LRRK2: variants seen among roughly 807,000 people sequenced by gnomAD.
LRRK2 encodes leucine rich repeat kinase 2.
A neutral mutation model predicts 302.6 loss-of-function variants in LRRK2; 203 were observed. The ratio of observed to expected loss-of-function variants is 0.67; its 90% confidence interval spans 0.60 to 0.75. The LOEUF (loss-of-function observed/expected upper bound fraction) is 0.75. Among genes scored for constraint, LRRK2 ranks in the 30% least tolerant of loss-of-function variants. The probability of loss-of-function intolerance (pLI) is 0.00; values close to 1 mark genes in which losing one functional copy is unlikely to be tolerated. For synonymous variants in LRRK2, 1,066 were observed against 1,031.9 expected (o/e 1.03, Z -0.63); for missense variants, 2,830 against 2,951.0 (o/e 0.96, Z 0.95).
intron 10 of LRRK2, among the ~76,000 whole-genome samples, chr12:40,251,792 T>C (rs547818910): frequency 1.2e-4 from 19 of 152,298 alleles, no homozygotes; most frequent in African/African-American, 4.6e-4. Context: ...AATTCATGAA[T>C]CATGGAGAAA....
chr12:40,355,347 C>T (rs1011134107), intron 45 of LRRK2, among the ~76,000 whole-genome samples: 3 of 152,012 alleles, frequency 2.0e-5, no homozygotes, highest in Admixed American at 2.0e-4. Context: ...GAGTTTTAAG[C>T]GCAGGGGTGA....
chr12:40,283,643 C>G (rs1331994227), intron 18 of LRRK2, among the ~76,000 whole-genome samples: 1 of 152,162 alleles, frequency 6.6e-6, no homozygotes, highest in Admixed American at 6.5e-5. Flanking sequence ...AATGTTGTCT[C>G]TTTCATAATA....
chr12:40,242,001 T>C (rs1941744147), intron 6 of LRRK2, among the ~76,000 whole-genome samples: 1 of 152,178 alleles, frequency 6.6e-6, no homozygotes, highest in Non-Finnish European at 1.5e-5. Flanking sequence ...ATTTATTCAT[T>C]TATTTATTTA....
intron 24 of LRRK2, among the ~76,000 whole-genome samples, chr12:40,298,799 A>ATTT: frequency 1.5e-5 from 1 of 64,802 alleles, no homozygotes; most frequent in South Asian, 5.0e-4. Flanking sequence ...ATATATATAT[A>ATTT]ATATATGTAT....
chr12:40,366,649 A>G (rs1946888742), intron 49 of LRRK2: 2 of 242,854 alleles, frequency 8.2e-6, no homozygotes, highest in Non-Finnish European at 1.6e-5. Flanking sequence ...TTTGTACTAA[A>G]TACTCATATT....
intron 35 of LRRK2, 109 bp from the exon 36 acceptor site, chr12:40,321,926 C>T (rs562608240): frequency 1.8e-6 from 2 of 1,105,136 alleles, no homozygotes; most frequent in African/African-American, 3.1e-5. Context: ...CAACCCAATA[C>T]TTTATTTCAA....
intron 14 of LRRK2, among the ~76,000 whole-genome samples, chr12:40,266,595 G>T (rs1943025736): frequency 6.6e-6 from 1 of 152,100 alleles, no homozygotes; most frequent in African/African-American, 2.4e-5. Flanking sequence ...ACAGTGTGGC[G>T]ATTCCTCAGG....
intron 21 of LRRK2, among the ~76,000 whole-genome samples, chr12:40,294,148 T>TATCA (rs1156278464): frequency 1.4e-5 from 2 of 140,036 alleles, no homozygotes; most frequent in Non-Finnish European, 3.1e-5. Context: ...TCTATCTATC[T>TATCA]ATCTATCTAT....
At chr12:40,237,078 T>C (rs2136417790) in intron 4 of LRRK2, among the ~76,000 whole-genome samples, 1 of 152,012 alleles carries the variant, frequency 6.6e-6, no homozygotes, top group Non-Finnish European at 1.5e-5. Context: ...AAGGCAAGAG[T>C]GTGACATGCA....
intron 14 of LRRK2, among the ~76,000 whole-genome samples, chr12:40,267,790 T>C (rs1943082916): frequency 3.3e-5 from 5 of 152,138 alleles, no homozygotes; most frequent in Admixed American, 3.3e-4. Flanking sequence ...AAAATGGCTC[T>C]AAAAAATGAG....
chr12:40,258,063 C>T (rs1369008447), intron 12 of LRRK2, among the ~76,000 whole-genome samples: 1 of 152,144 alleles, frequency 6.6e-6, no homozygotes, highest in African/African-American at 2.4e-5. Flanking sequence ...TGTTTCATCT[C>T]TAAAACTTCA....
intron 11 of LRRK2, among the ~76,000 whole-genome samples, chr12:40,256,079 G>A (rs1392517312): frequency 1.3e-5 from 2 of 152,156 alleles, no homozygotes; most frequent in Non-Finnish European, 2.9e-5. Flanking sequence ...TTTTATAGCG[G>A]CTTCAAGACA....
rs757982630 is a variant in LRRK2 at position 40,304,026 on chromosome 12, G to A, written c.3669G>A (p.Arg1223=). The A allele has an allele frequency of 6.2e-7, 1 of 1,613,622 alleles. No homozygotes were observed. The highest frequency in any genetic ancestry group is 2.2e-5 in the East Asian group (1 of 44,842). ...CACACTGGAAATCTTTGAACTTAAG[G>A]GAACTCTTATTTAGCCATAATCAGA... ...GPAHWKSLNL[R]ELLFSHNQIS... is the part of the protein sequence containing the mutation. Residue 1223 remains arginine, a synonymous_variant, in exon 27 of 51, where the codon AGG becomes AGA. Transcript: ENST00000298910.
In LRRK2 at chr12:40,364,960, A is replaced by G. The variant is rs398124661; in HGVS notation, c.7300A>G (p.Ile2434Val). Reference protein sequence around the residue: ...ALWIGTGGGHILLLDLSTRRL... With the variant: ...ALWIGTGGGHVLLLDLSTRRL... ...TTGGATAGGAACTGGAGGAGGCCAT[A>G]TTTTACTCCTGGATCTTTCAACTCG... Residue 2434 changes from isoleucine (I) to valine (V), a missense_variant, in exon 49 of 51, where the codon ATT becomes GTT. By Grantham distance (29) the Ile-to-Val change is conservative. Around this residue, in one of 3 missense-constraint regions of LRRK2, gnomAD observed 456 missense variants for 456.3 expected, o/e 1.00. Transcript: ENST00000298910. 16 of 1,612,552 alleles carry G rather than the reference A, an allele frequency of 9.9e-6. No individual in the cohort carries two copies. Among genetic ancestry groups the G allele is most frequent in the Admixed American group, 1.7e-5 (1 of 59,818 alleles).
In LRRK2 at chr12:40,356,251, C is replaced by T. The variant is rs1439632105; in HGVS notation, c.6843+64C>T. ...AGTCTTTTGTTTTATATATATCTCA[C>T]ACCCCTCTTATGGGATTATAAACTC... is the stretch of plus-strand genomic sequence containing the variant. On this transcript the variant is annotated intron_variant, in intron 46 of 50. Transcript: ENST00000298910. The T allele has an allele frequency of 2.7e-5, 31 of 1,140,080 alleles. No homozygotes were observed. The Admixed American group carries it at 6.4e-4, about 23-fold the overall frequency. 70.6% of individuals were successfully genotyped at this position (1,140,080 alleles called of 1,614,324 possible). A position where few individuals can be genotyped will look rare whatever the true frequency, so the allele number is the denominator to read the frequency against.
chr12:40,302,771 T>C lies in LRRK2; in HGVS notation c.3497-18T>C. 2 of 1,480,970 alleles carry C rather than the reference T, an allele frequency of 1.4e-6. No individual in the cohort carries two copies. Among genetic ancestry groups the C allele is most frequent in the Non-Finnish European group, 1.9e-6 (2 of 1,059,730 alleles). The allele number at this position is 1,480,970 out of a possible 1,614,324, so 91.7% of individuals were successfully genotyped here. ...GGTTAAAATGATTAAAATGTTTATC[T>C]CATTTTTTTTCTTTTAGCTGCTATG... On this transcript the variant is annotated intron_variant, in intron 25 of 50. Transcript: ENST00000298910.
chr12:40,296,688 A>G (rs1246606929), intron 23 of LRRK2, among the ~76,000 whole-genome samples: 1 of 152,110 alleles, frequency 6.6e-6, no homozygotes, highest in Admixed American at 6.5e-5. Context: ...CTAAAAAATT[A>G]ATCATAATTT....
chr12:40,225,398 C>A, intron 1 of LRRK2, 116 bp downstream of exon 1: 2 of 1,330,176 alleles, frequency 1.5e-6, no homozygotes, highest in Non-Finnish European at 1.1e-6. Flanking sequence ...TCTTAAGGAG[C>A]CGCAAACTCC....
rs780927267 is a variant in LRRK2 at position 40,238,137 on chromosome 12, A to G, written c.571+34A>G. 15 of 1,602,438 alleles carry G rather than the reference A, an allele frequency of 9.4e-6. No homozygotes were observed. The South Asian group carries it at 1.0e-4, about 11-fold the overall frequency. ...AAATGTCAAATTCCTTAAAGTATATATAAGAAAAAAAGGCTTATACTGGGA... is the reference window on the plus strand; with the variant it reads ...AAATGTCAAATTCCTTAAAGTATATGTAAGAAAAAAAGGCTTATACTGGGA... On this transcript the variant is annotated intron_variant, in intron 5 of 50. Coordinates refer to ENST00000298910, the MANE Select transcript of LRRK2 (RefSeq NM_198578.4).
Sources: gnomAD v4.1 joint callset for allele counts (sites outside exome capture counted in the v4.1 genomes callset) on GRCh38, gnomAD v4.1.1 for gene constraint, gnomAD v4.1.1 regional missense constraint, MANE v1.5 for transcripts, NCBI Gene and HGNC (gene_info 2026-07-23, HGNC 2026-07-21) for gene names.